The following LRRC4C variants were observed in gnomAD, a reference collection of about 807,000 sequenced individuals.
The protein encoded by LRRC4C is leucine rich repeat containing 4C.
In LRRC4C, 5 loss-of-function variants were observed where a neutral mutation model predicts 33.6. The observed-to-expected ratio is 0.15, with a 90% confidence interval of 0.08 to 0.31. The LOEUF (loss-of-function observed/expected upper bound fraction) is 0.31. Ranked by LOEUF, LRRC4C falls within the 10% of genes least tolerant of loss-of-function variation. LRRC4C has a pLI of 1.00. For missense variants in LRRC4C, 560 were observed against 796.7 expected, an observed-to-expected ratio of 0.70 and a Z score of 3.58; for synonymous variants, 329 against 302.0, an observed-to-expected ratio of 1.09 and a Z score of -0.93.
intron 1 of LRRC4C, among the ~76,000 whole-genome samples, chr11:41,003,682 G>T (rs572641218): frequency 1.1e-4 from 16 of 151,646 alleles, no homozygotes; most frequent in Non-Finnish European, 2.2e-4. Flanking sequence ...ATAGTTTCAA[G>T]GGAGAGAAGA....
At chr11:40,890,981 A>C (rs746256725) in intron 2 of LRRC4C, among the ~76,000 whole-genome samples, 1 of 152,134 alleles carries the variant, frequency 6.6e-6, no homozygotes, top group Non-Finnish European at 1.5e-5. Context: ...GGTGGCTCAC[A>C]CCTATAATAT....
At chr11:41,064,571 G>A (rs1241874925) in intron 1 of LRRC4C, among the ~76,000 whole-genome samples, 1 of 152,184 alleles carries the variant, frequency 6.6e-6, no homozygotes, top group African/African-American at 2.4e-5. Context: ...TTCACTTAGG[G>A]ATATGGTTTG....
chr11:41,104,048 G>A (rs1382485232), intron 1 of LRRC4C, among the ~76,000 whole-genome samples: 1 of 151,786 alleles, frequency 6.6e-6, no homozygotes, highest in Non-Finnish European at 1.5e-5. Context: ...CTTTGAGTTA[G>A]GCAAATATTT....
At chr11:41,179,715 C>T (rs2032076384) in intron 1 of LRRC4C, among the ~76,000 whole-genome samples, 1 of 152,132 alleles carries the variant, frequency 6.6e-6, no homozygotes, top group Non-Finnish European at 1.5e-5. Context: ...TTTCCTACAA[C>T]ACAGAATATA....
rs536099799 is a variant in LRRC4C, at chr11:40,646,531, A to G, written c.-270+1611T>C. On this transcript the variant is annotated intron_variant, in intron 3 of 6. Coordinates refer to ENST00000528697, the MANE Select transcript of LRRC4C (RefSeq NM_001258419.2). ...GGAAACAACATCCTTCCCTGTGTAT[A>G]AATAGAAAGACCAAGTTTGACGGCA... Among the ~76,000 whole-genome samples, 10 of 152,308 alleles carry G rather than the reference A, an allele frequency of 6.6e-5. No individual in the cohort carries two copies. In the East Asian group the frequency reaches 1.7e-3, roughly 27 times the overall value.
intron 4 of LRRC4C, among the ~76,000 whole-genome samples, chr11:40,306,625 C>T (rs1945044807): frequency 6.6e-6 from 1 of 152,170 alleles, no homozygotes; most frequent in South Asian, 2.1e-4. Context: ...AATACACAGT[C>T]AAAAGCACCA....
intron 1 of LRRC4C, among the ~76,000 whole-genome samples, chr11:41,053,025 G>C (rs1858358014): frequency 6.6e-6 from 1 of 152,036 alleles, no homozygotes; most frequent in African/African-American, 2.4e-5. Flanking sequence ...GCATGTTTCT[G>C]GGCACTATCA....
chr11:41,325,490 T>C (rs1951080481), intron 1 of LRRC4C, among the ~76,000 whole-genome samples: 1 of 152,058 alleles, frequency 6.6e-6, no homozygotes. Context: ...TAATTTATTA[T>C]CCTATGGAAT....
intron 6 of LRRC4C, among the ~76,000 whole-genome samples, chr11:40,117,080 G>A (rs969228273): frequency 6.6e-6 from 1 of 152,154 alleles, no homozygotes; most frequent in Non-Finnish European, 1.5e-5. Flanking sequence ...CATCATAGAA[G>A]TGACATTCAA....
intron 2 of LRRC4C, among the ~76,000 whole-genome samples, chr11:40,831,631 T>C (rs1384406509): frequency 6.6e-6 from 1 of 152,006 alleles, no homozygotes; most frequent in Non-Finnish European, 1.5e-5. Flanking sequence ...ACTGGGTAAA[T>C]TATAAAGAAA....
chr11:40,398,008 G>A (rs1949608961), intron 3 of LRRC4C, among the ~76,000 whole-genome samples: 1 of 151,998 alleles, frequency 6.6e-6, no homozygotes, highest in Non-Finnish European at 1.5e-5. Context: ...AGATTTAATT[G>A]TAAGGATGGT....
At chr11:41,425,365 AC>A (rs1401332364) in intron 1 of LRRC4C, among the ~76,000 whole-genome samples, 1 of 152,054 alleles carries the variant, frequency 6.6e-6, no homozygotes. Flanking sequence ...TTTGGTACTT[AC>A]TTGATTTTCT....
At chr11:40,284,368 A>G (rs1409118014) in intron 4 of LRRC4C, among the ~76,000 whole-genome samples, 2 of 152,180 alleles carry the variant, frequency 1.3e-5, no homozygotes, top group African/African-American at 4.8e-5. Flanking sequence ...AACATATTTC[A>G]AGAATATAAA....
chr11:40,223,107 CTT>C (rs1291190609), intron 5 of LRRC4C, among the ~76,000 whole-genome samples: 1 of 152,062 alleles, frequency 6.6e-6, no homozygotes, highest in Admixed American at 6.6e-5. Flanking sequence ...TTATAAAAGA[CTT>C]TGAATGGCAG....
chr11:40,633,555 A>G (rs1474529869), intron 3 of LRRC4C, among the ~76,000 whole-genome samples: 7 of 151,362 alleles, frequency 4.6e-5, no homozygotes, highest in Admixed American at 4.6e-4. Context: ...CGCCTGGCTA[A>G]TTTTTGTATT....
intron 3 of LRRC4C, among the ~76,000 whole-genome samples, chr11:40,339,082 G>A (rs1946754825): frequency 6.6e-6 from 1 of 152,182 alleles, no homozygotes; most frequent in Middle Eastern, 3.2e-3. Context: ...CAGCCCAAGT[G>A]TGACAGGTAG....
intron 3 of LRRC4C, among the ~76,000 whole-genome samples, chr11:40,614,502 A>G (rs1451562539): frequency 6.6e-6 from 1 of 151,610 alleles, no homozygotes; most frequent in East Asian, 1.9e-4. Flanking sequence ...ATCAGCAATA[A>G]AGCTGTTTTG....
intron 2 of LRRC4C, among the ~76,000 whole-genome samples, chr11:40,906,001 AT>A (rs1262789625): frequency 6.6e-6 from 1 of 152,126 alleles, no homozygotes; most frequent in African/African-American, 2.4e-5. Context: ...CCAGTGACAA[AT>A]TTCATTGTTG....
intron 1 of LRRC4C, among the ~76,000 whole-genome samples, chr11:41,075,027 T>TTTA (rs1939022862): frequency 9.7e-6 from 1 of 102,976 alleles, no homozygotes; most frequent in African/African-American, 4.4e-5. Flanking sequence ...TTTTTTTTTT[T>TTTA]TTTTTTTTTA....
Sources: allele counts gnomAD v4.1 joint callset (sites outside exome capture counted in the v4.1 genomes callset), GRCh38; gene constraint gnomAD v4.1.1; transcripts MANE v1.5; gene names NCBI Gene and HGNC (gene_info 2026-07-23, HGNC 2026-07-21).